L3MBTL4: variants seen among roughly 807,000 people sequenced by gnomAD.
L3MBTL4 encodes L3MBTL histone methyl-lysine binding protein 4.
In L3MBTL4, 70 loss-of-function variants were observed where a neutral mutation model predicts 84.5. The ratio of observed to expected loss-of-function variants is 0.83; its 90% CI spans 0.68 to 1.01. The LOEUF (loss-of-function observed/expected upper bound fraction) is 1.01, where lower values mean the gene tolerates loss of function less well. Ranked by LOEUF, L3MBTL4 falls within the 50% of genes least tolerant of loss-of-function variation. The probability of loss-of-function intolerance (pLI) is 0.00; values close to 1 mark genes in which losing one functional copy is unlikely to be tolerated. For synonymous variants in L3MBTL4, 274 were observed against 259.8 expected (o/e 1.05, Z -0.52); for missense variants, 715 against 754.8 (o/e 0.95, Z 0.62).
chr18:6,044,397 CCTAT>C (rs1568026568), intron 16 of L3MBTL4, among the ~76,000 whole-genome samples: 1 of 152,100 alleles, frequency 6.6e-6, no homozygotes. Context: ...GGGGAACTGC[CCTAT>C]CTATCTCTTT....
chr18:6,169,405 A>G (rs1303368460), intron 13 of L3MBTL4, among the ~76,000 whole-genome samples: 2 of 152,204 alleles, frequency 1.3e-5, no homozygotes, highest in African/African-American at 4.8e-5. Flanking sequence ...CACTATTCAC[A>G]ATAGCAAAGA....
At chr18:6,225,161 A>G (rs1042459425) in intron 10 of L3MBTL4, among the ~76,000 whole-genome samples, 21 of 152,236 alleles carry the variant, frequency 1.4e-4, no homozygotes, top group African/African-American at 4.8e-4. Flanking sequence ...CAGGAGATCT[A>G]AAGTTCCAAA....
Position 6,093,410 on chromosome 18 carries a change from T to C in L3MBTL4, c.1318A>G (p.Ser440Gly). The C allele has an allele frequency of 6.2e-7, 1 of 1,613,838 alleles. No homozygotes were observed. Among genetic ancestry groups the C allele is most frequent in the Middle Eastern group, 1.7e-4 (1 of 6,060 alleles). Residue 440 changes from serine (S) to glycine (G), a missense_variant, in exon 15 of 19, where the codon AGC (serine) becomes GGC (glycine). By Grantham distance (56) the Ser-to-Gly change is moderately conservative. Coordinates refer to ENST00000317931, the MANE Select transcript of L3MBTL4 (RefSeq NM_001330559.2). ...CCATTGAAGTTCAAACTACAGAGGC[T>C]TTTTGATTTTGAATGTGAAGAGTCT... ...ESDSSHSKSK[S>G]LCSLNFNGKH... is the part of the protein sequence containing the mutation.
intron 16 of L3MBTL4, among the ~76,000 whole-genome samples, chr18:6,032,620 C>T (rs906309810): frequency 1.3e-5 from 2 of 151,938 alleles, no homozygotes; most frequent in African/African-American, 4.8e-5. Context: ...TTAAATACAT[C>T]CCTAATGTTA....
intron 1 of L3MBTL4, among the ~76,000 whole-genome samples, chr18:6,379,783 T>C (rs2054521814): frequency 6.6e-6 from 1 of 152,212 alleles, no homozygotes; most frequent in Non-Finnish European, 1.5e-5. Flanking sequence ...AATTTCTTTT[T>C]CTGTTTTGTC....
At chr18:6,124,051 A>G (rs773149535) in intron 14 of L3MBTL4, among the ~76,000 whole-genome samples, 7 of 152,196 alleles carry the variant, frequency 4.6e-5, no homozygotes, top group Non-Finnish European at 7.3e-5. Flanking sequence ...AGGCCAGAAA[A>G]GCTGCCCAGG....
At chr18:6,089,511 T>C (rs1457513011) in intron 15 of L3MBTL4, among the ~76,000 whole-genome samples, 3 of 152,180 alleles carry the variant, frequency 2.0e-5, no homozygotes, top group Non-Finnish European at 2.9e-5. Context: ...AGACTAAATA[T>C]GAACCTAGCT....
At chr18:6,128,517 G>C (rs1363427061) in intron 14 of L3MBTL4, among the ~76,000 whole-genome samples, 4 of 152,044 alleles carry the variant, frequency 2.6e-5, no homozygotes, top group African/African-American at 9.7e-5. Flanking sequence ...GTGGGAAGAG[G>C]AACAGTCCCA....
chr18:6,181,929 G>A (rs1248665663), intron 12 of L3MBTL4, among the ~76,000 whole-genome samples: 1 of 152,140 alleles, frequency 6.6e-6, no homozygotes, highest in Non-Finnish European at 1.5e-5. Context: ...CATTTGGGTT[G>A]ATTCTGTGTC....
At chr18:6,333,889 T>A (rs754843224) in intron 1 of L3MBTL4, among the ~76,000 whole-genome samples, 9 of 152,224 alleles carry the variant, frequency 5.9e-5, no homozygotes, top group Admixed American at 1.3e-4. Flanking sequence ...TTCTCTCCAT[T>A]CTGTCTGCAA....
intron 12 of L3MBTL4, among the ~76,000 whole-genome samples, chr18:6,194,174 C>T (rs1335570095): frequency 3.3e-5 from 5 of 152,258 alleles, no homozygotes; most frequent in Admixed American, 6.5e-5. Context: ...AAACTCCCAC[C>T]GTACAGTGAT....
At chr18:6,045,932 CA>C (rs2056600562) in intron 16 of L3MBTL4, among the ~76,000 whole-genome samples, 1 of 152,126 alleles carries the variant, frequency 6.6e-6, no homozygotes. Context: ...ACTTAGAAGG[CA>C]CAGAGTTGCA....
At chr18:6,187,960 T>C (rs552830040) in intron 12 of L3MBTL4, among the ~76,000 whole-genome samples, 198 of 151,958 alleles carry the variant, frequency 1.3e-3, no homozygotes, top group South Asian at 2.5e-3. Context: ...AAGATCTAAT[T>C]ATCTAGGGCT....
chr18:6,260,042 G>T (rs989637884), intron 5 of L3MBTL4: 5 of 152,136 alleles, frequency 3.3e-5, no homozygotes, highest in African/African-American at 1.2e-4. Flanking sequence ...TTATTGAATA[G>T]GGAGTCCTTT....
intron 17 of L3MBTL4, among the ~76,000 whole-genome samples, chr18:5,962,490 C>T (rs927069539): frequency 6.6e-6 from 1 of 152,036 alleles, no homozygotes; most frequent in African/African-American, 2.4e-5. Flanking sequence ...AGGTGTGGGT[C>T]TGTACTTCCT....
At chr18:6,254,391 T>G (rs2048047897) in intron 5 of L3MBTL4, among the ~76,000 whole-genome samples, 1 of 150,440 alleles carries the variant, frequency 6.6e-6, no homozygotes, top group Non-Finnish European at 1.5e-5. Flanking sequence ...TGCTTCAAAT[T>G]CCGCTTTTTC....
intron 4 of L3MBTL4, among the ~76,000 whole-genome samples, chr18:6,296,078 C>T (rs1021046348): frequency 1.3e-5 from 2 of 152,170 alleles, no homozygotes; most frequent in African/African-American, 4.8e-5. Flanking sequence ...AAAATACCAA[C>T]ATTAGATCCA....
intron 16 of L3MBTL4, among the ~76,000 whole-genome samples, chr18:5,999,320 T>C (rs920794764): frequency 6.6e-6 from 1 of 152,224 alleles, no homozygotes; most frequent in African/African-American, 2.4e-5. Context: ...AGAGAATCAA[T>C]TGGTTTCCCT....
chr18:6,004,033 GA>G (rs2054347620), intron 16 of L3MBTL4, among the ~76,000 whole-genome samples: 1 of 151,544 alleles, frequency 6.6e-6, no homozygotes, highest in African/African-American at 2.4e-5. Flanking sequence ...TTATAGTGGA[GA>G]AAATAAAATA....
Sources: gnomAD v4.1 joint callset for allele counts (sites outside exome capture counted in the v4.1 genomes callset) on GRCh38, gnomAD v4.1.1 for gene constraint, MANE v1.5 for transcripts, NCBI Gene and HGNC (gene_info 2026-07-23, HGNC 2026-07-21) for gene names.